Variants in CDH9 observed in about 807,000 individuals in gnomAD.
The protein encoded by CDH9 is cadherin 9, also known as cadherin-9.
A neutral mutation model predicts 70.9 loss-of-function variants in CDH9; 28 were observed. The ratio of observed to expected loss-of-function variants is 0.40; its 90% CI spans 0.29 to 0.54. The LOEUF is 0.54. CDH9 is among the 20% of genes least tolerant of loss of function. The probability of loss-of-function intolerance (pLI) is 0.59; values close to 1 mark genes in which losing one functional copy is unlikely to be tolerated. For synonymous variants in CDH9, 409 were observed against 343.1 expected (o/e 1.19, Z -2.12); for missense variants, 874 against 984.4 (o/e 0.89, Z 1.50).
chr5:26,951,433 GTC>G (rs2112047312), intron 2 of CDH9, among the ~76,000 whole-genome samples: 1 of 151,444 alleles, frequency 6.6e-6, no homozygotes, highest in Admixed American at 6.6e-5. Flanking sequence ...TTAGTGGAAT[GTC>G]CCCACTTTAG....
intron 1 of CDH9, among the ~76,000 whole-genome samples, chr5:27,018,889 G>A (rs1743089938): frequency 6.6e-6 from 1 of 151,988 alleles, no homozygotes; most frequent in South Asian, 2.1e-4. Flanking sequence ...TTTTGAGTTA[G>A]CAGTGATTTA....
intron 2 of CDH9, among the ~76,000 whole-genome samples, chr5:26,935,441 A>G (rs1741542309): frequency 6.6e-6 from 1 of 152,198 alleles, no homozygotes; most frequent in African/African-American, 2.4e-5. Flanking sequence ...AGGAAGAAAT[A>G]AAACTCTCTT....
chr5:26,976,956 T>C (rs1435160981), intron 2 of CDH9, among the ~76,000 whole-genome samples: 2 of 151,990 alleles, frequency 1.3e-5, no homozygotes, highest in Non-Finnish European at 2.9e-5. Flanking sequence ...GATATATTAT[T>C]TGTTTATACC....
intron 7 of CDH9, among the ~76,000 whole-genome samples, chr5:26,892,462 A>C (rs988112060): frequency 1.3e-5 from 2 of 152,196 alleles, no homozygotes; most frequent in African/African-American, 4.8e-5. Context: ...TATGGGATGA[A>C]GTGATTAGAA....
chr5:27,037,349 A>G (rs1463491042), intron 1 of CDH9, among the ~76,000 whole-genome samples: 3 of 151,936 alleles, frequency 2.0e-5, no homozygotes, highest in Non-Finnish European at 4.4e-5. Flanking sequence ...TAAAATGACA[A>G]CACATCTCCA....
chr5:26,892,161 A>C (rs1231448495), intron 7 of CDH9, among the ~76,000 whole-genome samples: 1 of 152,236 alleles, frequency 6.6e-6, no homozygotes, highest in Non-Finnish European at 1.5e-5. Context: ...AAATTTTTGA[A>C]AAGATTAATT....
chr5:27,001,928 C>T (rs771669203), intron 1 of CDH9, among the ~76,000 whole-genome samples: 15 of 150,770 alleles, frequency 9.9e-5, no homozygotes, highest in Non-Finnish European at 1.5e-4. Context: ...AAGGTTGGAA[C>T]AATTCACAGT....
chr5:27,007,184 T>C (rs1183092034), intron 1 of CDH9, among the ~76,000 whole-genome samples: 1 of 152,110 alleles, frequency 6.6e-6, no homozygotes, highest in Non-Finnish European at 1.5e-5. Flanking sequence ...ACAAAGTACT[T>C]TTCATTTGAG....
chr5:27,008,444 T>G (rs1463638109), intron 1 of CDH9, among the ~76,000 whole-genome samples: 2 of 151,768 alleles, frequency 1.3e-5, no homozygotes, highest in Non-Finnish European at 2.9e-5. Flanking sequence ...GAGCTGACAT[T>G]GCACCACTGC....
chr5:26,919,438 C>A (rs989335479), intron 2 of CDH9, among the ~76,000 whole-genome samples: 1 of 152,158 alleles, frequency 6.6e-6, no homozygotes, highest in African/African-American at 2.4e-5. Flanking sequence ...GCAAGTCCTG[C>A]TACCATGGGC....
At chr5:26,915,113 A>T (rs2112004592) in intron 3 of CDH9, among the ~76,000 whole-genome samples, 2 of 152,132 alleles carry the variant, frequency 1.3e-5, no homozygotes, top group East Asian at 1.9e-4. Flanking sequence ...AGGTTATTTG[A>T]TCTTAATTCA....
chr5:26,896,988 T>C (rs1428143409), intron 7 of CDH9, among the ~76,000 whole-genome samples: 1 of 151,828 alleles, frequency 6.6e-6, no homozygotes, highest in African/African-American at 2.4e-5. Context: ...AAAGGGAATA[T>C]CACCAGTGAT....
At chr5:26,949,220 G>GA (rs1292563939) in intron 2 of CDH9, among the ~76,000 whole-genome samples, 1 of 152,142 alleles carries the variant, frequency 6.6e-6, no homozygotes, top group East Asian at 1.9e-4. Context: ...AAGCAACGAG[G>GA]TTTGTCTTTT....
intron 1 of CDH9, among the ~76,000 whole-genome samples, chr5:26,991,941 G>T (rs917981973): frequency 6.6e-6 from 1 of 152,056 alleles, no homozygotes; most frequent in Non-Finnish European, 1.5e-5. Flanking sequence ...GGAGCAAAGT[G>T]GTTCTAATGA....
chr5:27,001,842 ACACT>A lies in CDH9; in HGVS notation c.-49-13464_-49-13461del, dbSNP rs748226820. 1.6e-3 allele frequency among the ~76,000 whole-genome samples: 200 copies of A among 125,930 alleles called. 1 individual carries two copies. The highest frequency in any genetic ancestry group is 7.5e-3 in the Middle Eastern group (2 of 266). 82.6% of individuals were successfully genotyped at this position (125,930 alleles called of 152,430 possible). Reference sequence around the variant, plus strand: ...CAGTGCTTAACATACACACACACACACACTCTCTCTCTCTCTCTCTCTCTCTCTC... The same window carrying A: ...CAGTGCTTAACATACACACACACACACTCTCTCTCTCTCTCTCTCTCTCTC... On this transcript the variant is annotated intron_variant, in intron 1 of 11. Coordinates refer to ENST00000231021, the MANE Select transcript of CDH9 (RefSeq NM_016279.4).
chr5:26,892,831 C>A (rs1216544934), intron 7 of CDH9, among the ~76,000 whole-genome samples: 1 of 151,968 alleles, frequency 6.6e-6, no homozygotes, highest in South Asian at 2.1e-4. Context: ...TCCAGGTTTC[C>A]GCCATTCTCC....
intron 1 of CDH9, among the ~76,000 whole-genome samples, chr5:27,008,072 C>T (rs76085736): frequency 3.9e-5 from 6 of 152,096 alleles, no homozygotes; most frequent in South Asian, 2.1e-4. Context: ...TGAGGAGATA[C>T]GGATTAATAT....
At chr5:26,933,837 G>A (rs923391770) in intron 2 of CDH9, among the ~76,000 whole-genome samples, 1 of 151,590 alleles carries the variant, frequency 6.6e-6, no homozygotes, top group Non-Finnish European at 1.5e-5. Flanking sequence ...AAAGAGAGAA[G>A]ACACATTACT....
rs187550962 is a variant in CDH9 at position 27,019,120 on chromosome 5, G to A, written c.-50+19343C>T. Among the ~76,000 whole-genome samples the A allele has an allele frequency of 4.4e-3, 671 of 152,066 alleles. 2 individuals carry two copies. The highest frequency in any genetic ancestry group is 0.015 in the African/African-American group (614 of 41,532). On this transcript the variant is annotated intron_variant, in intron 1 of 11. Coordinates refer to ENST00000231021, the MANE Select transcript of CDH9 (RefSeq NM_016279.4). The stretch of plus-strand genomic sequence containing the variant: ...AAAAAGTAGTAACAGGTGAAATTCA[G>A]AATTGAAATAATTGGTGAAGTAGAC...
Sources: gnomAD v4.1 joint callset for allele counts (sites outside exome capture counted in the v4.1 genomes callset) on GRCh38, gnomAD v4.1.1 for gene constraint, MANE v1.5 for transcripts, NCBI Gene and HGNC (gene_info 2026-07-23, HGNC 2026-07-21) for gene names.